Variants in SDCCAG8 observed in about 807,000 individuals in gnomAD.
SDCCAG8 encodes the protein SHH signaling and ciliogenesis regulator SDCCAG8.
In SDCCAG8, 74 loss-of-function variants were observed where a neutral mutation model predicts 101.8. The observed-to-expected ratio is 0.73, with a 90% CI of 0.60 to 0.88. SDCCAG8 has a LOEUF of 0.88. Ranked by LOEUF, SDCCAG8 falls within the 40% of genes least tolerant of loss-of-function variation. SDCCAG8 has a pLI of 0.00. For missense variants in SDCCAG8, 787 were observed against 822.6 expected, an observed-to-expected ratio of 0.96 and a Z score of 0.53; for synonymous variants, 281 against 292.9, an observed-to-expected ratio of 0.96 and a Z score of 0.41.
At chr1:243,309,694 G>A (rs1315931772) in intron 8 of SDCCAG8, among the ~76,000 whole-genome samples, 4 of 151,958 alleles carry the variant, frequency 2.6e-5, no homozygotes, top group African/African-American at 9.7e-5. Context: ...GTAGAGATGG[G>A]GTCTCACTAT....
chr1:243,434,147 A>G (rs1391382367), intron 16 of SDCCAG8, among the ~76,000 whole-genome samples: 2 of 152,192 alleles, frequency 1.3e-5, no homozygotes, highest in African/African-American at 4.8e-5. Flanking sequence ...TTAACCCCCT[A>G]CGGTGCAGTA....
chr1:243,440,176 C>T (rs1459947577), intron 16 of SDCCAG8, among the ~76,000 whole-genome samples: 2 of 152,084 alleles, frequency 1.3e-5, no homozygotes, highest in Non-Finnish European at 2.9e-5. Flanking sequence ...GGAAAAGGTC[C>T]CACCTCATAG....
intron 3 of SDCCAG8, among the ~76,000 whole-genome samples, chr1:243,273,703 C>T (rs942025582): frequency 4.6e-5 from 7 of 152,208 alleles, no homozygotes; most frequent in African/African-American, 1.7e-4. Context: ...CTCTCCTTCA[C>T]GGAGCTGCTG....
chr1:243,349,832 CTTT>C (rs563873668), intron 12 of SDCCAG8, among the ~76,000 whole-genome samples: 1 of 140,880 alleles, frequency 7.1e-6, no homozygotes, highest in African/African-American at 2.6e-5. Flanking sequence ...AAGCGTCTTT[CTTT>C]TTTTTTTTTT....
chr1:243,479,020 G>A (rs558458425), intron 16 of SDCCAG8, among the ~76,000 whole-genome samples: 4 of 151,674 alleles, frequency 2.6e-5, no homozygotes, highest in African/African-American at 4.8e-5. Flanking sequence ...GGGCTAGAGC[G>A]TGTTCCGGAA....
intron 16 of SDCCAG8, among the ~76,000 whole-genome samples, chr1:243,435,965 C>A (rs955292549): frequency 7.9e-5 from 12 of 152,038 alleles, no homozygotes; most frequent in Admixed American, 2.0e-4. Context: ...ACATGCATAG[C>A]CTCCCGCATT....
At chr1:243,388,283 A>C (rs781551616) in intron 13 of SDCCAG8, among the ~76,000 whole-genome samples, 2 of 152,206 alleles carry the variant, frequency 1.3e-5, no homozygotes, top group African/African-American at 2.4e-5. Context: ...AACATCTTTC[A>C]TTCTGAAATT....
chr1:243,357,133 G>T (rs1025358543), intron 12 of SDCCAG8, among the ~76,000 whole-genome samples: 2 of 152,120 alleles, frequency 1.3e-5, no homozygotes, highest in African/African-American at 2.4e-5. Context: ...TAATCCCGGC[G>T]CTTTGAGAGG....
intron 13 of SDCCAG8, among the ~76,000 whole-genome samples, chr1:243,384,240 C>G (rs532403731): frequency 1.3e-5 from 2 of 152,328 alleles, no homozygotes; most frequent in African/African-American, 2.4e-5. Flanking sequence ...CCTGGCTCAT[C>G]ACTTTGCAGA....
chr1:243,289,204 GC>G, intron 5 of SDCCAG8, among the ~76,000 whole-genome samples: 1 of 152,220 alleles, frequency 6.6e-6, no homozygotes, highest in South Asian at 2.1e-4. Context: ...GAGTCCCAAA[GC>G]TGAAGAACCC....
intron 16 of SDCCAG8, among the ~76,000 whole-genome samples, chr1:243,476,771 T>A (rs1662492443): frequency 6.6e-6 from 1 of 152,212 alleles, no homozygotes; most frequent in Non-Finnish European, 1.5e-5. Flanking sequence ...CAACTAAGTA[T>A]GAAGGATCTT....
At chr1:243,351,939 G>A (rs950620337) in intron 12 of SDCCAG8, among the ~76,000 whole-genome samples, 4 of 152,106 alleles carry the variant, frequency 2.6e-5, no homozygotes, top group Non-Finnish European at 2.9e-5. Flanking sequence ...GAATAATACC[G>A]AGTTGGAGAT....
At chr1:243,386,009 T>G (rs958292501) in intron 13 of SDCCAG8, among the ~76,000 whole-genome samples, 4 of 152,198 alleles carry the variant, frequency 2.6e-5, no homozygotes, top group African/African-American at 9.7e-5. Context: ...CGTCTTAGTA[T>G]CTGCGTGGTA....
At chr1:243,496,996 A>G (rs1466630950) in intron 17 of SDCCAG8, among the ~76,000 whole-genome samples, 1 of 152,246 alleles carries the variant, frequency 6.6e-6, no homozygotes, top group Non-Finnish European at 1.5e-5. Flanking sequence ...GGAGGGCCAC[A>G]GCAAGGGCCA....
chr1:243,483,957 C>G (rs1325280604), intron 16 of SDCCAG8, among the ~76,000 whole-genome samples: 2 of 152,204 alleles, frequency 1.3e-5, no homozygotes, highest in Non-Finnish European at 2.9e-5. Context: ...CCAACCCTTC[C>G]CAGGCAAATC....
intron 12 of SDCCAG8, among the ~76,000 whole-genome samples, chr1:243,361,529 C>T (rs2076709931): frequency 1.3e-5 from 2 of 152,214 alleles, no homozygotes; most frequent in Admixed American, 1.3e-4. Context: ...AGTCCAAACT[C>T]CTTTCTACAG....
At position 243,474,458 on chromosome 1, in the gene SDCCAG8, C is replaced by A. The variant is rs1259740809; in HGVS notation, c.1986-14556C>A. Among the ~76,000 whole-genome samples, 1 of 152,134 alleles carries A rather than the reference C, an allele frequency of 6.6e-6. No individual in the cohort carries two copies. Among genetic ancestry groups the A allele is most frequent in the African/African-American group, 2.4e-5 (1 of 41,442 alleles). On this transcript the variant is annotated intron_variant, in intron 16 of 17. Transcript: ENST00000366541. This position sits in a 1 kb window ranked among gnomAD's most constrained non-coding sequence, Gnocchi z 4.7. ...GCGCGGCTTCGGGACTCGGCCGAGC[C>A]CGGGCCTAGTATCCAGAGTCGAAGC...
intron 14 of SDCCAG8, 99 bp downstream of exon 14, chr1:243,415,928 G>A: frequency 7.0e-7 from 1 of 1,427,920 alleles, no homozygotes; most frequent in Non-Finnish European, 9.6e-7. Flanking sequence ...ACCTTTGGCT[G>A]GCCGAAGGGA....
At chr1:243,264,020 G>A (rs1419911975) in intron 1 of SDCCAG8, among the ~76,000 whole-genome samples, 3 of 152,130 alleles carry the variant, frequency 2.0e-5, no homozygotes, top group Admixed American at 2.0e-4. Flanking sequence ...GCTTGTGCTG[G>A]GAGCTGCAGT....
Sources: allele counts gnomAD v4.1 joint callset (sites outside exome capture counted in the v4.1 genomes callset), GRCh38; gene constraint gnomAD v4.1.1; non-coding constraint Gnocchi (gnomAD v3.1); transcripts MANE v1.5; gene names NCBI Gene and HGNC (gene_info 2026-07-23, HGNC 2026-07-21).